Variants in TBCD observed in about 807,000 individuals in gnomAD.
TBCD encodes tubulin folding cofactor D.
Under a neutral mutation model 169.3 loss-of-function variants are expected in TBCD, and 105 were observed. The ratio of observed to expected loss-of-function variants is 0.62; its 90% CI spans 0.53 to 0.73. The LOEUF (loss-of-function observed/expected upper bound fraction) is 0.73, where lower values mean the gene tolerates loss of function less well. Among genes scored for constraint, TBCD ranks in the 30% least tolerant of loss-of-function variants. The pLI is 0.00. For synonymous variants in TBCD, 700 were observed against 643.9 expected (o/e 1.09, Z -1.32); for missense variants, 1,444 against 1,600.1 (o/e 0.90, Z 1.66).
chr17:82,792,499 ATAAAT>A (rs2049817333), intron 7 of TBCD, among the ~76,000 whole-genome samples: 1 of 152,198 alleles, frequency 6.6e-6, no homozygotes, highest in Admixed American at 6.5e-5. Flanking sequence ...GAACAGATTG[ATAAAT>A]TAGGTGAAGG....
intron 13 of TBCD, among the ~76,000 whole-genome samples, chr17:82,868,395 C>T (rs924771668): frequency 5.3e-5 from 8 of 152,124 alleles, no homozygotes; most frequent in African/African-American, 1.9e-4. Context: ...TCCTGCTGCT[C>T]CCCCGGGCCT....
intron 6 of TBCD, among the ~76,000 whole-genome samples, chr17:82,777,408 A>G (rs1334500034): frequency 6.6e-6 from 1 of 152,196 alleles, no homozygotes; most frequent in Non-Finnish European, 1.5e-5. Flanking sequence ...CCGGGGGACA[A>G]CTACCACCAA....
rs567055688 is a variant in TBCD, at chr17:82,915,708, G to C, written c.2038+3919G>C. On this transcript the variant is annotated intron_variant, in intron 23 of 38. Transcript: ENST00000355528. This position sits in a 1 kb window ranked among gnomAD's most constrained non-coding sequence, Gnocchi z 4.3. ...CGAGGGCAGGGGCCGGGAGGAAGGG[G>C]GTCATCTGGCTCACAGCCTTGCACC... is the stretch of plus-strand genomic sequence containing the variant. Among the ~76,000 whole-genome samples the C allele has an allele frequency of 1.3e-5, 2 of 152,266 alleles. No homozygotes were observed. The highest frequency in any genetic ancestry group is 4.2e-4 in the South Asian group (2 of 4,818).
rs1463959862 is a variant in TBCD at position 82,835,807 on chromosome 17, AT to A, written c.1318+20876del. Among the ~76,000 whole-genome samples, 4 of 152,200 alleles carry A rather than the reference AT, an allele frequency of 2.6e-5. No homozygotes were observed. The highest frequency in any genetic ancestry group is 5.9e-5 in the Non-Finnish European group (4 of 68,040). On this transcript the variant is annotated intron_variant, in intron 13 of 38. Transcript: ENST00000355528. The surrounding 1 kb of genome is among the most constrained non-coding windows in gnomAD (Gnocchi z 4.5). Reference sequence around the variant, plus strand: ...TAACATACTTTAAGTTCTTTAAGACATTTATTTACTAAGAAGTGGTTTGGGT... The same window carrying A: ...TAACATACTTTAAGTTCTTTAAGACATTATTTACTAAGAAGTGGTTTGGGT...
At chr17:82,911,618 G>T in intron 22 of TBCD, 140 bp from the exon 23 acceptor site, 2 of 778,434 alleles carry the variant, frequency 2.6e-6, no homozygotes, top group Non-Finnish European at 4.3e-6. Context: ...TTCATAAAAG[G>T]TTGCTCATGC....
chr17:82,889,790 C>G lies in TBCD; in HGVS notation c.1563+93C>G. The G allele has an allele frequency of 7.0e-7, 1 of 1,437,442 alleles. No individual in the cohort carries two copies. Among genetic ancestry groups the G allele is most frequent in the Non-Finnish European group, 9.7e-7 (1 of 1,035,920 alleles). 89.0% of individuals were successfully genotyped at this position (1,437,442 alleles called of 1,614,324 possible). ...GCTATAACCCTGGTGTCTTCTCGCA[C>G]TGTGAGATGTGGTGTGGCTACATCA... is the stretch of plus-strand genomic sequence containing the variant. On this transcript the variant is annotated intron_variant, in intron 16 of 38. Transcript: ENST00000355528. This position sits in a 1 kb window ranked among gnomAD's most constrained non-coding sequence, Gnocchi z 5.3.
Position 82,927,202 on chromosome 17 carries a change from G to A in TBCD, c.2488G>A (p.Gly830Ser), listed in dbSNP as rs1424176453. The A allele has an allele frequency of 4.3e-6, 7 of 1,614,024 alleles. No individual in the cohort carries two copies. The highest frequency in any genetic ancestry group is 4.2e-6 in the Non-Finnish European group (5 of 1,179,910). ...AAATTTCAGGATTTGCCAGACTGTT[G>A]GTGTGAAAGCAGGAGCCCCAGACGA... is the stretch of plus-strand genomic sequence containing the variant. The part of the protein sequence containing the change: ...KAIARICQTV[G>S]VKAGAPDEAV... The change falls in exon 29 of 39, where the codon GGT becomes AGT. Residue 830 changes from glycine to serine, a missense_variant. Transcript: ENST00000355528.
intron 13 of TBCD, among the ~76,000 whole-genome samples, chr17:82,817,301 T>C (rs2052002796): frequency 6.6e-6 from 1 of 151,824 alleles, no homozygotes; most frequent in Non-Finnish European, 1.5e-5. Context: ...TGGCAACTTT[T>C]TTTTCTTTTT....
chr17:82,842,981 C>T (rs1028922771), intron 13 of TBCD, among the ~76,000 whole-genome samples: 8 of 151,904 alleles, frequency 5.3e-5, no homozygotes, highest in African/African-American at 1.4e-4. Flanking sequence ...GGGGTTTCAC[C>T]GTGTTAGCCA....
chr17:82,845,947 G>A (rs1042039796), intron 13 of TBCD, among the ~76,000 whole-genome samples: 1 of 152,226 alleles, frequency 6.6e-6, no homozygotes, highest in African/African-American at 2.4e-5. Context: ...AAAACTCTGC[G>A]GAAAATCCAC....
At position 82,782,495 on chromosome 17, in the gene TBCD, C is replaced by G. The variant is rs1235144131; in HGVS notation, c.771+774C>G. Among the ~76,000 whole-genome samples the G allele has an allele frequency of 1.3e-5, 2 of 152,096 alleles. No homozygotes were observed. The highest frequency in any genetic ancestry group is 4.8e-5 in the African/African-American group (2 of 41,414). On this transcript the variant is annotated intron_variant, in intron 7 of 38. Transcript: ENST00000355528. The surrounding 1 kb of genome is among the most constrained non-coding windows in gnomAD (Gnocchi z 5.1). ...TGTGGTCCCTCTGAGGAGCGGGGCA[C>G]TTTGTTCTTGTTTAAAAAATATATT...
At chr17:82,776,312 G>T (rs2144182306) in intron 6 of TBCD, among the ~76,000 whole-genome samples, 1 of 152,320 alleles carries the variant, frequency 6.6e-6, no homozygotes, top group South Asian at 2.1e-4. Context: ...CCGAAGGCTG[G>T]GTGGGAGGAT....
At chr17:82,804,740 C>G (rs906124465) in intron 9 of TBCD, among the ~76,000 whole-genome samples, 1 of 152,152 alleles carries the variant, frequency 6.6e-6, no homozygotes, top group Non-Finnish European at 1.5e-5. Context: ...TCACCAGACT[C>G]TGCGTATTCT....
chr17:82,854,909 G>C (rs918485412), intron 13 of TBCD, among the ~76,000 whole-genome samples: 7 of 152,234 alleles, frequency 4.6e-5, no homozygotes, highest in African/African-American at 1.7e-4. Context: ...TAAAGGCCCT[G>C]ATCGCATTCA....
rs869146187 is a variant in TBCD, at chr17:82,899,375, A to AGCGCACGTGTCCTCAGCACG, written c.1650-1276_1650-1275insGCGCACGTGTCCTCAGCACG. 7.7e-5 allele frequency among the ~76,000 whole-genome samples: 5 copies of AGCGCACGTGTCCTCAGCACG among 64,784 alleles called. No homozygotes were observed. The South Asian group carries it at 1.4e-3, about 18-fold the overall frequency. The allele number at this position is 64,784 out of a possible 152,430, so 42.5% of individuals were successfully genotyped here. On this transcript the variant is annotated intron_variant, in intron 17 of 38. Coordinates refer to ENST00000355528, the MANE Select transcript of TBCD (RefSeq NM_005993.5). ...CGTGTCCGCAGTGCGTCCTCAGCGC[A>AGCGCACGTGTCCTCAGCACG]CGTGTCCTCAGCACGCGTGTCCTCA...
rs1042976044 is a variant in TBCD, at chr17:82,789,683, G to T, written c.771+7962G>T. Among the ~76,000 whole-genome samples the T allele has an allele frequency of 3.9e-5, 6 of 152,234 alleles. No individual in the cohort carries two copies. Among genetic ancestry groups the T allele is most frequent in the African/African-American group, 1.4e-4 (6 of 41,462 alleles). ...TTAGAGGCACCTTCCCTCTAAGGCA[G>T]ATGTCCCTCAGGCTTTGGTCCTGGC... On this transcript the variant is annotated intron_variant, in intron 7 of 38. Transcript: ENST00000355528. This position sits in a 1 kb window ranked among gnomAD's most constrained non-coding sequence, Gnocchi z 4.8.
At chr17:82,932,794 A>C in intron 34 of TBCD, 59 bp downstream of exon 34, 1 of 1,542,438 alleles carries the variant, frequency 6.5e-7, no homozygotes, top group African/African-American at 1.4e-5. Context: ...TCATGTATTA[A>C]AGAAAAAGTC....
chr17:82,909,097 G>A (rs1403719957), intron 21 of TBCD, among the ~76,000 whole-genome samples, 188 bp from the exon 22 acceptor site: 1 of 152,238 alleles, frequency 6.6e-6, no homozygotes, highest in East Asian at 1.9e-4. Context: ...CTCTGGGCCT[G>A]TCTGGAGGTT....
chr17:82,766,229 T>C, intron 3 of TBCD, 38 bp from the exon 4 acceptor site: 1 of 1,550,014 alleles, frequency 6.5e-7, no homozygotes, highest in Non-Finnish European at 8.8e-7. Flanking sequence ...CTCTCTGTAT[T>C]TTTAAATGTT....
Sources: gnomAD v4.1 joint callset for allele counts (sites outside exome capture counted in the v4.1 genomes callset) on GRCh38, gnomAD v4.1.1 for gene constraint, Gnocchi (gnomAD v3.1) non-coding constraint, MANE v1.5 for transcripts, NCBI Gene and HGNC (gene_info 2026-07-23, HGNC 2026-07-21) for gene names.